The following NPAS1 variants were observed in gnomAD, a reference collection of about 807,000 sequenced individuals.
NPAS1 encodes the protein neuronal PAS domain-containing protein 1.
Under a neutral mutation model 49.2 loss-of-function variants are expected in NPAS1, and 29 were observed. The ratio of observed to expected loss-of-function variants is 0.59; its 90% CI spans 0.44 to 0.80. The LOEUF (loss-of-function observed/expected upper bound fraction) is 0.80, where lower values mean the gene tolerates loss of function less well. Ranked by LOEUF, NPAS1 falls within the 30% of genes least tolerant of loss-of-function variation. The pLI is 0.00. For synonymous variants in NPAS1, 408 were observed against 380.4 expected (o/e 1.07, Z -0.84); for missense variants, 825 against 835.5 (o/e 0.99, Z 0.15).
At position 47,021,733 on chromosome 19, in the gene NPAS1, C is replaced by G; in HGVS notation, c.244C>G (p.Leu82Val). The G allele has an allele frequency of 2.6e-6, 4 of 1,548,400 alleles. No homozygotes were observed. The highest frequency in any genetic ancestry group is 3.5e-6 in the Non-Finnish European group (4 of 1,147,124). Residue 82 changes from leucine to valine, a missense_variant, in exon 3 of 12, where the codon CTG becomes GTG. Physicochemically the swap from Leu to Val is conservative, Grantham distance 32. Transcript: ENST00000602212. This position sits in a 1 kb window ranked among gnomAD's most constrained non-coding sequence, Gnocchi z 5.7. ...LPLPGAISSQ[L>V]DKASIVRLSV... The stretch of plus-strand genomic sequence containing the variant: ...GCTGCCCGGCGCCATCTCCAGCCAG[C>G]TGGACAAGGCTTCCATCGTGCGCCT...
Position 47,035,957 on chromosome 19 carries a change from C to G in NPAS1, c.523-7C>G. On this transcript the variant is annotated splice_polypyrimidine_tract_variant and splice_region_variant and intron_variant, in intron 5 of 11. Coordinates refer to ENST00000602212, the MANE Select transcript of NPAS1 (RefSeq NM_002517.4). ...CCGCCCCCTGCATTCCCCTCCTTCG[C>G]CGGCAGGTGGAGATGACGGGCAGCA... 1 of 1,515,838 alleles carries G rather than the reference C, an allele frequency of 6.6e-7. No individual in the cohort carries two copies. Among genetic ancestry groups the G allele is most frequent in the Non-Finnish European group, 8.8e-7 (1 of 1,133,304 alleles). The allele number at this position is 1,515,838 out of a possible 1,614,324, so 93.9% of individuals were successfully genotyped here.
intron 6 of NPAS1, 80 bp downstream of exon 6, chr19:47,036,209 G>C: frequency 7.1e-7 from 1 of 1,404,082 alleles, no homozygotes; most frequent in Non-Finnish European, 9.8e-7. Context: ...GCCATGCCGC[G>C]TTTATACAAA....
intron 3 of NPAS1, among the ~76,000 whole-genome samples, chr19:47,026,130 G>C (rs1288998857): frequency 6.6e-6 from 1 of 151,978 alleles, no homozygotes; most frequent in African/African-American, 2.4e-5. Flanking sequence ...GTAGAGACAG[G>C]GTTTCGCCAC....
intron 3 of NPAS1, among the ~76,000 whole-genome samples, chr19:47,029,265 G>T (rs1459640333): frequency 6.6e-6 from 1 of 151,830 alleles, no homozygotes; most frequent in African/African-American, 2.4e-5. Context: ...TGTAGTTTTA[G>T]TAGAGACAGG....
chr19:47,039,850 T>TTCTCATTTCTCTGGTCTTTCATC (rs71179293), intron 8 of NPAS1, among the ~76,000 whole-genome samples: 7,146 of 151,902 alleles, frequency 0.047, 227 homozygotes, highest in East Asian at 0.13. Flanking sequence ...GGTCTTTCAT[T>TTCTCATTTCTCTGGTCTTTCATC]TCTCATTTCT....
intron 6 of NPAS1, 139 bp downstream of exon 6, chr19:47,036,268 G>A (rs912559420): frequency 2.1e-6 from 2 of 970,468 alleles, no homozygotes; most frequent in African/African-American, 1.7e-5. Flanking sequence ...AAAAGGAATC[G>A]GAGTATAAAT....
At chr19:47,020,835 C>G (rs2056834240) in intron 1 of NPAS1, 171 bp from the exon 2 acceptor site, 1 of 391,312 alleles carries the variant, frequency 2.6e-6, no homozygotes, top group Non-Finnish European at 4.5e-6. Context: ...GCGCCAGCCC[C>G]GGGCCGGCTA....
rs2057060797 is a variant in NPAS1 at position 47,045,056 on chromosome 19, ACAAACAAAC to A, written c.1313-134_1313-126del. The A allele has an allele frequency of 9.3e-6, 8 of 862,592 alleles. No homozygotes were observed. In the African/African-American group the frequency reaches 1.3e-4, roughly 14 times the overall value. 53.4% of individuals were successfully genotyped at this position (862,592 alleles called of 1,614,324 possible). On this transcript the variant is annotated intron_variant, in intron 11 of 11. Transcript: ENST00000602212. Reference sequence around the variant, plus strand: ...CAAAAAAACAAAAAACAAAAACAAAACAAACAAACAAAAAAAAAAACCCCACTCCCAGCT... The same window carrying A: ...CAAAAAAACAAAAAACAAAAACAAAAAAAAAAAAAAACCCCACTCCCAGCT...
intron 3 of NPAS1, among the ~76,000 whole-genome samples, chr19:47,026,737 C>T (rs976496062): frequency 6.6e-6 from 1 of 152,070 alleles, no homozygotes; most frequent in Non-Finnish European, 1.5e-5. Flanking sequence ...GGTGGATCAC[C>T]TGAGGTCAGG....
At chr19:47,033,616 G>T (rs181064141) in intron 5 of NPAS1, among the ~76,000 whole-genome samples, 1 of 152,054 alleles carries the variant, frequency 6.6e-6, no homozygotes, top group African/African-American at 2.4e-5. Flanking sequence ...AATGACTGGC[G>T]GGCCAGATGC....
intron 3 of NPAS1, among the ~76,000 whole-genome samples, chr19:47,026,589 GAC>G (rs1267198062): frequency 6.6e-6 from 1 of 152,198 alleles, no homozygotes; most frequent in Non-Finnish European, 1.5e-5. Flanking sequence ...GGGTGTGAGA[GAC>G]ACAGAGGGCG....
At position 47,040,745 on chromosome 19, in the gene NPAS1, G is replaced by T. The variant is rs1182194287; in HGVS notation, c.1069+195G>T. 6.0e-5 allele frequency: 36 copies of T among 598,408 alleles called. No homozygotes were observed. The East Asian group carries it at 1.0e-3, about 17-fold the overall frequency. The allele number at this position is 598,408 out of a possible 1,614,324, so 37.1% of individuals were successfully genotyped here. Reference sequence around the variant, plus strand: ...TGCCTCAGGATGTGTGTGTGGGGGGGGGGTCTGGGGGGCTGTGGGGTCTCC... The same window carrying T: ...TGCCTCAGGATGTGTGTGTGGGGGGTGGGTCTGGGGGGCTGTGGGGTCTCC... On this transcript the variant is annotated intron_variant, in intron 9 of 11. Coordinates refer to ENST00000602212, the MANE Select transcript of NPAS1 (RefSeq NM_002517.4).
At chr19:47,033,677 G>T (rs2056923889) in intron 5 of NPAS1, among the ~76,000 whole-genome samples, 1 of 152,022 alleles carries the variant, frequency 6.6e-6, no homozygotes, top group Non-Finnish European at 1.5e-5. Context: ...AGGTTTAGAG[G>T]CCACCCACGC....
chr19:47,041,118 G>A lies in NPAS1; in HGVS notation c.1210G>A (p.Val404Met), dbSNP rs1184759520. The A allele has an allele frequency of 3.8e-6, 6 of 1,585,318 alleles. No homozygotes were observed. The highest frequency in any genetic ancestry group is 2.3e-5 in the South Asian group (2 of 87,566). ...GCACCATGTGCTTTGGGTCAGCCACGTGCTCAGGTGAGGGCTGTGCCCACC... is the reference window on the plus strand; with the variant it reads ...GCACCATGTGCTTTGGGTCAGCCACATGCTCAGGTGAGGGCTGTGCCCACC... The part of the protein sequence containing the change: ...GEHHVLWVSH[V>M]LSQAEGGQTP... Residue 404 changes from valine to methionine, a missense_variant, in exon 10 of 12, where the codon GTG (valine) becomes ATG (methionine). Transcript: ENST00000602212.
chr19:47,023,695 G>C (rs553123625), intron 3 of NPAS1, among the ~76,000 whole-genome samples: 1 of 152,136 alleles, frequency 6.6e-6, no homozygotes, highest in Admixed American at 6.6e-5. Flanking sequence ...GCTCACATCC[G>C]TAATCCCAGC....
chr19:47,030,716 C>G (rs2056900371), intron 3 of NPAS1, among the ~76,000 whole-genome samples: 1 of 146,604 alleles, frequency 6.8e-6, no homozygotes, highest in Admixed American at 6.9e-5. Context: ...TGCAATGGCC[C>G]TAACTCAGCT....
intron 3 of NPAS1, among the ~76,000 whole-genome samples, chr19:47,031,265 C>T (rs558612926): frequency 1.3e-5 from 2 of 149,138 alleles, no homozygotes; most frequent in South Asian, 4.3e-4. Context: ...GTGGCGCGAT[C>T]TTGACTCACT....
chr19:47,041,348 C>T (rs1236837670), intron 10 of NPAS1, among the ~76,000 whole-genome samples: 1 of 152,058 alleles, frequency 6.6e-6, no homozygotes, highest in East Asian at 1.9e-4. Flanking sequence ...GGGACAGTAT[C>T]TTTGAGGAAG....
At chr19:47,032,218 G>A in intron 3 of NPAS1, 60 bp from the exon 4 acceptor site, 1 of 1,495,298 alleles carries the variant, frequency 6.7e-7, no homozygotes. Context: ...TGGCTCCCGG[G>A]GGACCTGCCC....
Sources: gnomAD v4.1 joint callset for allele counts (sites outside exome capture counted in the v4.1 genomes callset) on GRCh38, gnomAD v4.1.1 for gene constraint, Gnocchi (gnomAD v3.1) non-coding constraint, MANE v1.5 for transcripts, NCBI Gene and HGNC (gene_info 2026-07-23, HGNC 2026-07-21) for gene names.